Variants in ZNF407 observed in about 807,000 individuals in gnomAD.
The protein encoded by ZNF407 is zinc finger protein 407.
Under a neutral mutation model 131.2 loss-of-function variants are expected in ZNF407, and 17 were observed. The observed-to-expected ratio is 0.13, with a 90% confidence interval of 0.09 to 0.19. The LOEUF (loss-of-function observed/expected upper bound fraction) is 0.19, where lower values mean the gene tolerates loss of function less well. Among genes scored for constraint, ZNF407 ranks in the 10% least tolerant of loss-of-function variants. The pLI, the probability that ZNF407 is intolerant of heterozygous loss-of-function variation, is 1.00. For missense variants in ZNF407, 2,681 were observed against 2,830.6 expected (o/e 0.95, Z 1.20); for synonymous variants, 1,156 against 1,062.0 (o/e 1.09, Z -1.72).
chr18:74,832,249 T>A (rs1325771087), intron 4 of ZNF407, among the ~76,000 whole-genome samples: 1 of 152,156 alleles, frequency 6.6e-6, no homozygotes, highest in Non-Finnish European at 1.5e-5. Context: ...TGAACTCATG[T>A]TTTTCTGATT....
At chr18:74,990,761 G>C (rs1411502784) in intron 8 of ZNF407, among the ~76,000 whole-genome samples, 4 of 152,204 alleles carry the variant, frequency 2.6e-5, no homozygotes, top group Non-Finnish European at 4.4e-5. Flanking sequence ...GACGACCTCT[G>C]ATGTATATGG....
chr18:74,694,438 C>CTCTT (rs1967304379), intron 3 of ZNF407, among the ~76,000 whole-genome samples: 1 of 147,540 alleles, frequency 6.8e-6, no homozygotes, highest in South Asian at 2.2e-4. Flanking sequence ...TTTTTTTCTT[C>CTCTT]TTTTTTTCTT....
intron 3 of ZNF407, among the ~76,000 whole-genome samples, chr18:74,709,171 T>C (rs1967698043): frequency 6.6e-6 from 1 of 152,206 alleles, no homozygotes; most frequent in African/African-American, 2.4e-5. Flanking sequence ...ATCAAGTAAA[T>C]TGGCATAATT....
At chr18:74,778,298 T>C (rs1021629457) in intron 3 of ZNF407, among the ~76,000 whole-genome samples, 1 of 152,122 alleles carries the variant, frequency 6.6e-6, no homozygotes, top group Non-Finnish European at 1.5e-5. Context: ...GGTTGTGCTC[T>C]CTCCTCCTGA....
chr18:74,933,035 C>G (rs1972000852), intron 8 of ZNF407, among the ~76,000 whole-genome samples: 1 of 152,174 alleles, frequency 6.6e-6, no homozygotes, highest in South Asian at 2.1e-4. Context: ...AGCAGTTCCA[C>G]TTTGGGATAG....
intron 3 of ZNF407, among the ~76,000 whole-genome samples, chr18:74,715,755 C>A (rs997243582): frequency 6.6e-6 from 1 of 152,132 alleles, no homozygotes; most frequent in Non-Finnish European, 1.5e-5. Context: ...TTGAAATTTT[C>A]TTGATGACTC....
chr18:74,712,140 G>A (rs1000877879), intron 3 of ZNF407, among the ~76,000 whole-genome samples: 2 of 152,160 alleles, frequency 1.3e-5, no homozygotes, highest in Non-Finnish European at 2.9e-5. Context: ...GCTCATTTCA[G>A]GAGTTGGTGT....
chr18:75,020,989 C>T (rs1433858147), intron 8 of ZNF407, among the ~76,000 whole-genome samples: 2 of 152,080 alleles, frequency 1.3e-5, no homozygotes, highest in Non-Finnish European at 2.9e-5. Context: ...ACACTGAGCC[C>T]GGAGGCTTTC....
intron 8 of ZNF407, among the ~76,000 whole-genome samples, chr18:75,009,614 C>T (rs1054545527): frequency 1.2e-4 from 19 of 152,206 alleles, no homozygotes; most frequent in African/African-American, 4.1e-4. Context: ...ACTTGTTCAA[C>T]GCTTACTATG....
At chr18:74,822,417 A>C (rs1022381849) in intron 4 of ZNF407, among the ~76,000 whole-genome samples, 2 of 152,090 alleles carry the variant, frequency 1.3e-5, no homozygotes, top group Non-Finnish European at 2.9e-5. Flanking sequence ...TTAAGTCTTT[A>C]ATTCATCTTG....
At chr18:74,788,892 A>G (rs532158786) in intron 4 of ZNF407, among the ~76,000 whole-genome samples, 1 of 151,500 alleles carries the variant, frequency 6.6e-6, no homozygotes, top group African/African-American at 2.4e-5. Flanking sequence ...ACTGATTATT[A>G]TATAGTTATT....
rs757075811 is a variant in ZNF407 at position 74,633,701 on chromosome 18, G to T, written c.2682G>T (p.Met894Ile). 6.2e-7 allele frequency: 1 copy of T among 1,613,840 alleles called. No individual in the cohort carries two copies. The highest frequency in any genetic ancestry group is 1.3e-5 in the African/African-American group (1 of 74,910). The change falls in exon 2 of 9, where the codon ATG (methionine) becomes ATT (isoleucine). Residue 894 changes from methionine to isoleucine, a missense_variant. By Grantham distance (10) the Met-to-Ile change is conservative (BLOSUM62 1). Coordinates refer to ENST00000299687, the MANE Select transcript of ZNF407 (RefSeq NM_017757.3). ...CKYYTVTKGD[M>I]ERHCATKKHK... ...ATTACACTGTAACTAAGGGAGATAT[G>T]GAACGTCATTGTGCCACCAAGAAAC... is the stretch of plus-strand genomic sequence containing the variant.
intron 8 of ZNF407, among the ~76,000 whole-genome samples, chr18:74,970,782 T>C (rs925190355): frequency 3.3e-5 from 5 of 152,156 alleles, no homozygotes; most frequent in African/African-American, 1.2e-4. Flanking sequence ...AGGATGGTGG[T>C]CCTCTTCTCA....
Position 74,633,513 on chromosome 18 carries a change from G to A in ZNF407, c.2494G>A (p.Glu832Lys). 6.2e-7 allele frequency: 1 copy of A among 1,614,018 alleles called. No homozygotes were observed. The highest frequency in any genetic ancestry group is 1.3e-5 in the African/African-American group (1 of 75,054). ...SQSGGSTKDDELASTTTPKRG... is the reference protein window; with the variant it reads ...SQSGGSTKDDKLASTTTPKRG... ...GTCTGGTGGTAGCACCAAAGATGAT[G>A]AATTAGCTTCAACCACTACTCCAAA... The change falls in exon 2 of 9, where the codon GAA becomes AAA. Residue 832 changes from glutamate to lysine, a missense_variant. By Grantham distance (56) the Glu-to-Lys change is moderately conservative. Around this residue, in one of 6 missense-constraint regions of ZNF407, gnomAD observed 1,789 missense variants for 1,748.7 expected, o/e 1.02. Transcript: ENST00000299687.
At chr18:74,776,774 C>T (rs781132863) in intron 3 of ZNF407, among the ~76,000 whole-genome samples, 1 of 152,132 alleles carries the variant, frequency 6.6e-6, no homozygotes, top group Non-Finnish European at 1.5e-5. Context: ...ATAACATGAA[C>T]CGCAGATGAA....
intron 4 of ZNF407, among the ~76,000 whole-genome samples, chr18:74,787,109 A>T (rs1969734140): frequency 6.6e-6 from 1 of 152,092 alleles, no homozygotes; most frequent in East Asian, 1.9e-4. Context: ...GCCCAGCTGT[A>T]AAAGTAAGAT....
At chr18:74,933,753 T>C (rs905033646) in intron 8 of ZNF407, among the ~76,000 whole-genome samples, 2 of 152,328 alleles carry the variant, frequency 1.3e-5, no homozygotes, top group Admixed American at 1.3e-4. Flanking sequence ...TTATACTAAA[T>C]GGCTTGACCT....
chr18:74,820,352 TC>T (rs1414118716), intron 4 of ZNF407, among the ~76,000 whole-genome samples: 1 of 152,128 alleles, frequency 6.6e-6, no homozygotes, highest in African/African-American at 2.4e-5. Context: ...CAGAGAGCTG[TC>T]CTCAGTGAGG....
At chr18:74,880,638 G>T (rs1971224550) in intron 5 of ZNF407, among the ~76,000 whole-genome samples, 1 of 152,148 alleles carries the variant, frequency 6.6e-6, no homozygotes, top group Admixed American at 6.6e-5. Flanking sequence ...TCTTTAAGCA[G>T]AACCATATAT....
Sources: gnomAD v4.1 joint callset for allele counts (sites outside exome capture counted in the v4.1 genomes callset) on GRCh38, gnomAD v4.1.1 for gene constraint, gnomAD v4.1.1 regional missense constraint, MANE v1.5 for transcripts, NCBI Gene and HGNC (gene_info 2026-07-23, HGNC 2026-07-21) for gene names.